The following MYO1E variants were observed in gnomAD, a reference collection of about 807,000 sequenced individuals.
The protein encoded by MYO1E is myosin IE.
Under a neutral mutation model 151.1 loss-of-function variants are expected in MYO1E, and 68 were observed. The ratio of observed to expected loss-of-function variants is 0.45; its 90% confidence interval spans 0.37 to 0.55. The LOEUF is 0.55. MYO1E is among the 20% of genes least tolerant of loss of function. MYO1E has a pLI of 0.00. For synonymous variants in MYO1E, 601 were observed against 501.7 expected (o/e 1.20, Z -2.64); for missense variants, 1,363 against 1,389.3 (o/e 0.98, Z 0.30).
At chr15:59,346,404 T>C (rs140962136) in intron 1 of MYO1E, among the ~76,000 whole-genome samples, 26 of 152,328 alleles carry the variant, frequency 1.7e-4, no homozygotes, top group African/African-American at 5.3e-4. Flanking sequence ...GAACCTGTTT[T>C]GTCTCATGTT....
chr15:59,222,481 G>A (rs760623954), intron 9 of MYO1E, among the ~76,000 whole-genome samples: 1 of 152,110 alleles, frequency 6.6e-6, no homozygotes, highest in Non-Finnish European at 1.5e-5. Flanking sequence ...AGGTGTTGAG[G>A]CTCCAGGTAT....
chr15:59,240,319 G>A (rs1030710976), intron 4 of MYO1E, among the ~76,000 whole-genome samples: 1 of 152,158 alleles, frequency 6.6e-6, no homozygotes, highest in African/African-American at 2.4e-5. Context: ...TTAAATCAAA[G>A]TCATAACAGA....
intron 6 of MYO1E, among the ~76,000 whole-genome samples, chr15:59,228,419 G>C: frequency 6.6e-6 from 1 of 152,026 alleles, no homozygotes; most frequent in East Asian, 1.9e-4. Flanking sequence ...GCAGTGAGCC[G>C]AGATCATGCC....
intron 1 of MYO1E, among the ~76,000 whole-genome samples, chr15:59,310,981 G>A (rs538139829): frequency 3.3e-5 from 5 of 152,136 alleles, no homozygotes; most frequent in Admixed American, 2.0e-4. Context: ...CCTGTCCCAC[G>A]TACTCATGTA....
intron 5 of MYO1E, among the ~76,000 whole-genome samples, chr15:59,236,369 T>TACACACACACACAC (rs56164138): frequency 8.5e-6 from 1 of 117,740 alleles, no homozygotes; most frequent in African/African-American, 3.2e-5. Flanking sequence ...AAAAAATATA[T>TACACACACACACAC]ACACACACAC....
intron 26 of MYO1E, among the ~76,000 whole-genome samples, chr15:59,148,397 G>A (rs1288358777): frequency 1.4e-4 from 22 of 152,194 alleles, no homozygotes; most frequent in African/African-American, 4.1e-4. Flanking sequence ...AGTCTATGTC[G>A]GGGGAGCTAG....
chr15:59,308,459 G>A (rs1180278778), intron 1 of MYO1E, among the ~76,000 whole-genome samples: 19 of 151,840 alleles, frequency 1.3e-4, no homozygotes, highest in African/African-American at 4.1e-4. Flanking sequence ...ATCACCTGAG[G>A]TCAGCAGTTC....
intron 16 of MYO1E, among the ~76,000 whole-genome samples, chr15:59,200,811 T>C (rs2079796759): frequency 6.7e-6 from 1 of 149,228 alleles, no homozygotes; most frequent in Admixed American, 6.6e-5. Flanking sequence ...GACACTAATA[T>C]CTTAAGATAG....
At position 59,218,857 on chromosome 15, in the gene MYO1E, G is replaced by C. The variant is rs1278701481; in HGVS notation, c.911-770C>G. Among the ~76,000 whole-genome samples, 7 of 152,200 alleles carry C rather than the reference G, an allele frequency of 4.6e-5. No homozygotes were observed. The East Asian group carries it at 1.3e-3, about 29-fold the overall frequency. ...GGGAGTGTACCAAGGGGAGGAAGCA[G>C]AAGTGTGGGAGACATGATCAAGACG... On this transcript the variant is annotated intron_variant, in intron 9 of 27. Transcript: ENST00000288235.
In MYO1E at chr15:59,349,544, C is replaced by T. The variant is rs1479672422; in HGVS notation, c.3+22954G>A. On this transcript the variant is annotated intron_variant, in intron 1 of 27. Transcript: ENST00000288235. ...AGGGAGGAGGATGATGAGAAATCAT[C>T]CTCATCCTTGCCAAGAATTTTTTCA... 2.0e-5 allele frequency among the ~76,000 whole-genome samples: 3 copies of T among 152,160 alleles called. No homozygotes were observed. In the East Asian group the frequency reaches 5.8e-4, roughly 29 times the overall value.
At chr15:59,234,246 G>GGA (rs1566987682) in intron 5 of MYO1E, among the ~76,000 whole-genome samples, 7,221 of 141,724 alleles carry the variant, frequency 0.051, 212 homozygotes, top group East Asian at 0.087. Context: ...GGATGGATGG[G>GGA]TGCATGGATG....
chr15:59,207,599 G>A (rs768980050), intron 14 of MYO1E: 4 of 1,613,978 alleles, frequency 2.5e-6, no homozygotes, highest in Non-Finnish European at 3.4e-6. Flanking sequence ...GCTCGTTTTC[G>A]TTTCTTGATT....
chr15:59,251,291 A>C (rs981375161), intron 4 of MYO1E, among the ~76,000 whole-genome samples: 1 of 152,224 alleles, frequency 6.6e-6, no homozygotes, highest in Non-Finnish European at 1.5e-5. Context: ...AACTGAAGGA[A>C]TAAGTATAGT....
chr15:59,296,839 CTT>C lies in MYO1E; in HGVS notation c.4-24392_4-24391del, dbSNP rs10717328. 6.9e-3 allele frequency among the ~76,000 whole-genome samples: 865 copies of C among 125,516 alleles called. 3 individuals are homozygous for C. The highest frequency in any genetic ancestry group is 0.024 in the African/African-American group (810 of 33,362). The allele number at this position is 125,516 out of a possible 152,430, so 82.3% of individuals were successfully genotyped here. A position where few individuals can be genotyped will look rare whatever the true frequency, so the allele number is the denominator to read the frequency against. On this transcript the variant is annotated intron_variant, in intron 1 of 27. Transcript: ENST00000288235. ...ATACAAAGAATTCACATACTTTTTTCTTTTTTTTTTTTTTTTTTGAGATGGAA... is the reference window on the plus strand; with the variant it reads ...ATACAAAGAATTCACATACTTTTTTCTTTTTTTTTTTTTTTTGAGATGGAA...
At chr15:59,150,340 G>T (rs559501084) in intron 26 of MYO1E, among the ~76,000 whole-genome samples, 1 of 152,324 alleles carries the variant, frequency 6.6e-6, no homozygotes, top group East Asian at 1.9e-4. Flanking sequence ...CTTAAATAGG[G>T]AACCACATGG....
intron 1 of MYO1E, among the ~76,000 whole-genome samples, chr15:59,343,659 A>G (rs142041860): frequency 2.6e-5 from 4 of 151,718 alleles, no homozygotes; most frequent in African/African-American, 9.7e-5. Flanking sequence ...TTCTGAAGCT[A>G]TTTTCTAGAT....
In MYO1E at chr15:59,291,712, AG is replaced by A. The variant is rs372084479; in HGVS notation, c.4-19264del. ...AAAAAAAAAAAAAAAAAAAAAAAAA[AG>A]AGAGAGAGAGAGAGAAAACAAAGAT... On this transcript the variant is annotated intron_variant, in intron 1 of 27. Transcript: ENST00000288235. 4.2e-3 allele frequency among the ~76,000 whole-genome samples: 183 copies of A among 43,550 alleles called. 5 individuals carry two copies. The highest frequency in any genetic ancestry group is 8.4e-3 in the Non-Finnish European group (148 of 17,590). 28.6% of individuals were successfully genotyped at this position (43,550 alleles called of 152,430 possible).
chr15:59,183,502 A>T (rs1374523377), intron 18 of MYO1E, among the ~76,000 whole-genome samples: 1 of 151,888 alleles, frequency 6.6e-6, no homozygotes, highest in Non-Finnish European at 1.5e-5. Context: ...ACCTGGACTG[A>T]TAAGTTTTTT....
intron 12 of MYO1E, among the ~76,000 whole-genome samples, chr15:59,211,458 G>A (rs2079878753): frequency 6.6e-6 from 1 of 151,962 alleles, no homozygotes; most frequent in South Asian, 2.1e-4. Flanking sequence ...CCTTCTCTAG[G>A]TGATTTCAAT....
Sources: gnomAD v4.1 joint callset for allele counts (sites outside exome capture counted in the v4.1 genomes callset) on GRCh38, gnomAD v4.1.1 for gene constraint, MANE v1.5 for transcripts, NCBI Gene and HGNC (gene_info 2026-07-23, HGNC 2026-07-21) for gene names.